The following DSCAML1 variants were observed in gnomAD, a reference collection of about 807,000 sequenced individuals.
DSCAML1 encodes the protein DS cell adhesion molecule like 1.
A neutral mutation model predicts 200.5 loss-of-function variants in DSCAML1; 38 were observed. The ratio of observed to expected loss-of-function variants is 0.19; its 90% CI spans 0.15 to 0.25. DSCAML1 has a LOEUF of 0.25. Ranked by LOEUF, DSCAML1 falls within the 10% of genes least tolerant of loss-of-function variation. The pLI, the probability that DSCAML1 is intolerant of heterozygous loss-of-function variation, is 1.00. For missense variants in DSCAML1, 2,223 were observed against 2,858.8 expected, an observed-to-expected ratio of 0.78 and a Z score of 5.07; for synonymous variants, 1,215 against 1,165.0, an observed-to-expected ratio of 1.04 and a Z score of -0.87.
chr11:117,488,273 G>A (rs1013636235), intron 11 of DSCAML1, among the ~76,000 whole-genome samples: 1 of 152,172 alleles, frequency 6.6e-6, no homozygotes, highest in Non-Finnish European at 1.5e-5. Context: ...GCTTAACAAG[G>A]CAGCCCCTTA....
At chr11:117,430,665 TGGGGCTGGGGCCAG>T in intron 32 of DSCAML1, 43 bp downstream of exon 32, 1 of 1,512,610 alleles carries the variant, frequency 6.6e-7, no homozygotes, top group Non-Finnish European at 8.8e-7. Context: ...CCAGGGCTCA[TGGGGCTGGGGCCAG>T]GGGGCGGGGG....
chr11:117,534,849 G>A (rs1228958110), intron 3 of DSCAML1, among the ~76,000 whole-genome samples: 1 of 152,184 alleles, frequency 6.6e-6, no homozygotes, highest in African/African-American at 2.4e-5. Flanking sequence ...TGGATGCAAA[G>A]GATCCTTCTG....
intron 29 of DSCAML1, among the ~76,000 whole-genome samples, 187 bp downstream of exon 29, chr11:117,432,951 C>T (rs113808008): frequency 0.01 from 1,576 of 152,246 alleles, 18 homozygotes; most frequent in Non-Finnish European, 0.018. Flanking sequence ...CAATTCCCTC[C>T]GTTGGACAGA....
intron 8 of DSCAML1, among the ~76,000 whole-genome samples, chr11:117,510,669 G>A (rs1338323310): frequency 6.6e-6 from 1 of 152,112 alleles, no homozygotes; most frequent in Non-Finnish European, 1.5e-5. Flanking sequence ...CCTGATGGCA[G>A]GGATTTTTGT....
At chr11:117,725,481 C>G (rs1400821030) in intron 3 of DSCAML1, among the ~76,000 whole-genome samples, 1 of 152,210 alleles carries the variant, frequency 6.6e-6, no homozygotes. Context: ...CTCTGCAATC[C>G]CCCTCTCCTT....
At chr11:117,644,713 G>A (rs1488657008) in intron 3 of DSCAML1, among the ~76,000 whole-genome samples, 1 of 152,204 alleles carries the variant, frequency 6.6e-6, no homozygotes, top group Admixed American at 6.5e-5. Flanking sequence ...CTAGGGCAGG[G>A]GACCCCCCCT....
At chr11:117,472,617 C>G in intron 14 of DSCAML1, among the ~76,000 whole-genome samples, 1 of 152,182 alleles carries the variant, frequency 6.6e-6, no homozygotes, top group Admixed American at 6.5e-5. Flanking sequence ...CCTTCATCGA[C>G]AGGAGGATGG....
intron 3 of DSCAML1, among the ~76,000 whole-genome samples, chr11:117,772,949 G>A (rs2134039665): frequency 6.6e-6 from 1 of 152,320 alleles, no homozygotes; most frequent in Non-Finnish European, 1.5e-5. Flanking sequence ...CCACTTGAGG[G>A]AGTGGAGGCG....
intron 1 of DSCAML1, among the ~76,000 whole-genome samples, chr11:117,793,822 A>T (rs2055520856): frequency 1.3e-5 from 2 of 152,280 alleles, no homozygotes; most frequent in South Asian, 4.2e-4. Context: ...TACTGCAGAA[A>T]TATATTAAAG....
At chr11:117,512,761 T>TCTCA (rs1491334147) in intron 8 of DSCAML1, among the ~76,000 whole-genome samples, 12 of 113,090 alleles carry the variant, frequency 1.1e-4, no homozygotes, top group East Asian at 5.2e-4. Flanking sequence ...TCCTCTAGGA[T>TCTCA]CACACACACA....
chr11:117,544,168 C>T (rs1410853155), intron 3 of DSCAML1, among the ~76,000 whole-genome samples: 1 of 152,176 alleles, frequency 6.6e-6, no homozygotes, highest in Non-Finnish European at 1.5e-5. Context: ...AGTCTGTTTC[C>T]TGGGGTAGCT....
chr11:117,484,019 T>G (rs2048984634), intron 11 of DSCAML1, among the ~76,000 whole-genome samples: 1 of 135,928 alleles, frequency 7.4e-6, no homozygotes, highest in East Asian at 2.5e-4. Flanking sequence ...CCCAGTTCCC[T>G]GCCCGCCCCC....
At chr11:117,561,814 T>C (rs769537931) in intron 3 of DSCAML1, among the ~76,000 whole-genome samples, 8 of 152,268 alleles carry the variant, frequency 5.3e-5, no homozygotes, top group Non-Finnish European at 1.2e-4. Context: ...CTGCCACTTA[T>C]GTATTCATCT....
intron 3 of DSCAML1, among the ~76,000 whole-genome samples, chr11:117,749,726 T>A (rs1215577281): frequency 1.3e-5 from 2 of 152,232 alleles, no homozygotes; most frequent in Non-Finnish European, 2.9e-5. Flanking sequence ...ACGGTCGGGC[T>A]GAGCTGAATC....
At chr11:117,793,684 A>G (rs989585411) in intron 1 of DSCAML1, among the ~76,000 whole-genome samples, 1 of 151,968 alleles carries the variant, frequency 6.6e-6, no homozygotes, top group African/African-American at 2.4e-5. Context: ...GCTTGCTCAC[A>G]TCCTCTCTGA....
At chr11:117,809,730 GCC>G (rs1198613845) in intron 1 of DSCAML1, among the ~76,000 whole-genome samples, 1 of 152,126 alleles carries the variant, frequency 6.6e-6, no homozygotes, top group Non-Finnish European at 1.5e-5. Flanking sequence ...AGGCTGAATC[GCC>G]GCGCAGCGCT....
chr11:117,461,721 G>A, intron 17 of DSCAML1, 125 bp from the exon 18 acceptor site: 2 of 847,296 alleles, frequency 2.4e-6, no homozygotes, highest in Non-Finnish European at 3.7e-6. Context: ...ACAAGTGGGG[G>A]GACCTCCTGA....
chr11:117,797,299 C>T (rs1480169749), upstream of DSCAML1: 8 of 1,321,022 alleles, frequency 6.1e-6, no homozygotes, highest in Non-Finnish European at 7.7e-6. Context: ...CCCGCCCCCC[C>T]GCGGCACCCC....
rs764697808 is a variant in DSCAML1 at position 117,458,754 on chromosome 11, C to T, written c.3568G>A (p.Val1190Ile). 51 of 1,612,358 alleles carry T rather than the reference C, an allele frequency of 3.2e-5. No individual in the cohort carries two copies. Among genetic ancestry groups the T allele is most frequent in the East Asian group, 2.2e-5 (1 of 44,880 alleles). ...SVLYIQTKED[V>I]PGPPAGIKAV... is the part of the protein sequence containing the mutation. ...GTCCCAAGGAGAGGCCTGGACTCAC[C>T]GTCCTCCTTGGTCTGGATGTAGAGC... Residue 1190 changes from valine (V) to isoleucine (I), a missense_variant and splice_region_variant, in exon 19 of 33, where the codon GTT (valine) becomes ATT (isoleucine). Physicochemically the swap from Val to Ile is conservative, Grantham distance 29. Coordinates refer to ENST00000651296, the MANE Select transcript of DSCAML1 (RefSeq NM_020693.4).
Sources: gnomAD v4.1 joint callset for allele counts (sites outside exome capture counted in the v4.1 genomes callset) on GRCh38, gnomAD v4.1.1 for gene constraint, MANE v1.5 for transcripts, NCBI Gene and HGNC (gene_info 2026-07-23, HGNC 2026-07-21) for gene names.